The following F10 variants were observed in gnomAD, a reference collection of about 807,000 sequenced individuals.
F10 encodes coagulation factor X, also known as Stuart-Prower factor.
In F10, 29 loss-of-function variants were observed where a neutral mutation model predicts 37.1. That is an observed-to-expected ratio of 0.78 (90% CI 0.58 to 1.07). The LOEUF (loss-of-function observed/expected upper bound fraction) is 1.07, where lower values mean the gene tolerates loss of function less well. Among genes scored for constraint, F10 ranks in the 50% least tolerant of loss-of-function variants. F10 has a pLI of 0.00. For missense variants in F10, 539 were observed against 667.9 expected (o/e 0.81, Z 2.13); for synonymous variants, 262 against 268.6 (o/e 0.98, Z 0.24).
intron 7 of F10, among the ~76,000 whole-genome samples, chr13:113,148,388 A>G (rs1451692129): frequency 5.3e-5 from 1 of 18,762 alleles, no homozygotes; most frequent in African/African-American, 7.8e-5. Context: ...GTATATATAT[A>G]TACATATATA....
At position 113,143,906 on chromosome 13, in the gene F10, G is replaced by C; in HGVS notation, c.558G>C (p.Gln186His). 1.2e-6 allele frequency: 2 copies of C among 1,613,426 alleles called. No homozygotes were observed. Among genetic ancestry groups the C allele is most frequent in the Non-Finnish European group, 1.7e-6 (2 of 1,180,004 alleles). The change falls in exon 6 of 8, where the codon CAG (glutamine) becomes CAC (histidine). Residue 186 changes from glutamine (Q) to histidine (H), a missense_variant. Physicochemically the swap from Gln to His is conservative, Grantham distance 24. This residue lies in a region of F10 where 409 missense variants were observed against 547.9 expected (regional missense o/e 0.75). Transcript: ENST00000375559. This position sits in a 1 kb window ranked among gnomAD's most constrained non-coding sequence, Gnocchi z 6.8. ...TLERRKRSVAQATSSSGEAPD... is the reference protein window; with the variant it reads ...TLERRKRSVAHATSSSGEAPD... ...AACGCAGGAAGAGGTCAGTGGCCCAGGCCACCAGCAGCAGCGGGGAGGCCC... is the reference window on the plus strand; with the variant it reads ...AACGCAGGAAGAGGTCAGTGGCCCACGCCACCAGCAGCAGCGGGGAGGCCC...
rs191465065 is a variant in F10 at position 113,140,272 on chromosome 13, G to A, written c.371-647G>A. 4.6e-5 allele frequency among the ~76,000 whole-genome samples: 7 copies of A among 151,456 alleles called. No homozygotes were observed. The South Asian group carries it at 1.0e-3, about 23-fold the overall frequency. On this transcript the variant is annotated intron_variant, in intron 4 of 7. Coordinates refer to ENST00000375559, the MANE Select transcript of F10 (RefSeq NM_000504.4). ...TTTTTTTTAATTTTTTAGTGGAGAC[G>A]GGGTTTCACCGTGTTAGCCAGGATG...
chr13:113,139,378 G>A lies in F10; in HGVS notation c.278G>A (p.Ser93Asn), dbSNP rs777432382. ...KYKDGDQCETSPCQNQGKCKD... is the reference protein window; with the variant it reads ...KYKDGDQCETNPCQNQGKCKD... ...GCAGATGGCGACCAGTGTGAGACCA[G>A]TCCTTGCCAGAACCAGGGCAAATGT... Residue 93 changes from serine (S) to asparagine (N), a missense_variant, in exon 4 of 8, where the codon AGT becomes AAT. Ser to Asn is a conservative substitution (Grantham distance 46). Coordinates refer to ENST00000375559, the MANE Select transcript of F10 (RefSeq NM_000504.4). This position sits in a 1 kb window ranked among gnomAD's most constrained non-coding sequence, Gnocchi z 5.2. The A allele has an allele frequency of 1.1e-5, 17 of 1,613,810 alleles. No homozygotes were observed. The highest frequency in any genetic ancestry group is 1.4e-5 in the Non-Finnish European group (17 of 1,179,874).
intron 2 of F10, among the ~76,000 whole-genome samples, chr13:113,134,283 C>T (rs763400634): frequency 2.6e-5 from 4 of 152,142 alleles, no homozygotes; most frequent in Non-Finnish European, 5.9e-5. Flanking sequence ...GGGAAAAAAG[C>T]TTGTTTTAGT....
Position 113,122,917 on chromosome 13 carries a change from G to C in F10, c.62G>C (p.Gly21Ala), listed in dbSNP as rs757309231. The C allele has an allele frequency of 4.8e-5, 78 of 1,609,738 alleles. No individual in the cohort carries two copies. The highest frequency in any genetic ancestry group is 2.3e-4 in the Admixed American group (14 of 59,998). ...TCCCTGGCTGGCCTCCTGCTGCTCG[G>C]GGAAAGTCGTAAGTGCCCCTCGCCC... ...SASLAGLLLL[G>A]ESLFIRREQA... Residue 21 changes from glycine to alanine, a missense_variant, in exon 1 of 8, where the codon GGG becomes GCG. Physicochemically the swap from Gly to Ala is moderately conservative, Grantham distance 60. Coordinates refer to ENST00000375559, the MANE Select transcript of F10 (RefSeq NM_000504.4).
chr13:113,124,296 C>T (rs1338200764), intron 1 of F10, among the ~76,000 whole-genome samples: 1 of 152,238 alleles, frequency 6.6e-6, no homozygotes, highest in Non-Finnish European at 1.5e-5. Flanking sequence ...CAGGAGGAAA[C>T]TAGGGGAGTT....
chr13:113,147,797 C>G (rs2036596131), intron 7 of F10, among the ~76,000 whole-genome samples: 1 of 152,122 alleles, frequency 6.6e-6, no homozygotes, highest in African/African-American at 2.4e-5. Context: ...AGCTAATGTT[C>G]TGTGTCTCAG....
chr13:113,129,651 C>T (rs1426926197), intron 2 of F10, 39 bp downstream of exon 2: 1 of 1,612,808 alleles, frequency 6.2e-7, no homozygotes, highest in Non-Finnish European at 8.5e-7. Flanking sequence ...GTAAGGAGCT[C>T]AGGCCACAGC....
intron 6 of F10, among the ~76,000 whole-genome samples, chr13:113,145,239 T>C (rs1396838351): frequency 6.6e-6 from 1 of 152,184 alleles, no homozygotes; most frequent in Non-Finnish European, 1.5e-5. Flanking sequence ...TTGGCCAGGC[T>C]GGTCTCAAAC....
intron 2 of F10, chr13:113,130,352 G>T (rs1200617490): frequency 6.5e-6 from 1 of 153,850 alleles, no homozygotes; most frequent in African/African-American, 2.4e-5. Flanking sequence ...GAAGAGGCGG[G>T]GCTTCGAACG....
At position 113,141,458 on chromosome 13, in the gene F10, C is replaced by T. The variant is rs781434658; in HGVS notation, c.502+408C>T. 4.6e-5 allele frequency among the ~76,000 whole-genome samples: 7 copies of T among 152,138 alleles called. No homozygotes were observed. The highest frequency in any genetic ancestry group is 3.2e-3 in the Middle Eastern group (1 of 316). On this transcript the variant is annotated intron_variant, in intron 5 of 7. Coordinates refer to ENST00000375559, the MANE Select transcript of F10 (RefSeq NM_000504.4). The surrounding 1 kb of genome is among the most constrained non-coding windows in gnomAD (Gnocchi z 5.4). ...GGGCAGGCAAAGGGCAGAGCTGGCC[C>T]GAGGAACTGGAGCTAAGGTGCGGGG...
At position 113,144,617 on chromosome 13, in the gene F10, AT is replaced by A. The variant is rs965167171; in HGVS notation, c.747+529del. Among the ~76,000 whole-genome samples the A allele has an allele frequency of 2.0e-5, 3 of 152,228 alleles. No individual in the cohort carries two copies. The highest frequency in any genetic ancestry group is 2.9e-5 in the Non-Finnish European group (2 of 68,042). On this transcript the variant is annotated intron_variant, in intron 6 of 7. Coordinates refer to ENST00000375559, the MANE Select transcript of F10 (RefSeq NM_000504.4). The surrounding 1 kb of genome is among the most constrained non-coding windows in gnomAD (Gnocchi z 6.4). Reference sequence around the variant, plus strand: ...TCCTCGCTTCATTTCTAATTTTGGAATTTTTTTACCCAAACACCTAAATCCT... The same window carrying A: ...TCCTCGCTTCATTTCTAATTTTGGAATTTTTTACCCAAACACCTAAATCCT...
intron 2 of F10, chr13:113,132,131 TAATTA>T (rs1351075767): frequency 1.3e-5 from 2 of 152,286 alleles, no homozygotes; most frequent in Non-Finnish European, 2.9e-5. Flanking sequence ...CTCTAATTCT[TAATTA>T]AATTAAGAAT....
intron 2 of F10, among the ~76,000 whole-genome samples, chr13:113,135,136 G>A (rs940929563): frequency 1.3e-5 from 2 of 151,756 alleles, no homozygotes; most frequent in African/African-American, 2.4e-5. Flanking sequence ...CCAGCTACTC[G>A]GGAGGCTGAG....
rs2036584580 is a variant in F10 at position 113,146,555 on chromosome 13, G to A, written c.748-824G>A. On this transcript the variant is annotated intron_variant, in intron 6 of 7. Coordinates refer to ENST00000375559, the MANE Select transcript of F10 (RefSeq NM_000504.4). The surrounding 1 kb of genome is among the most constrained non-coding windows in gnomAD (Gnocchi z 4.5). ...CTCATCTGCATCTTTAGGAAGAATG[G>A]TTGGTGTTCGTGTCTTAGAAAGCCT... Among the ~76,000 whole-genome samples the A allele has an allele frequency of 6.6e-6, 1 of 152,214 alleles. No homozygotes were observed. The highest frequency in any genetic ancestry group is 1.5e-5 in the Non-Finnish European group (1 of 68,038).
rs1349593165 is a variant in F10 at position 113,146,525 on chromosome 13, T to C, written c.748-854T>C. Among the ~76,000 whole-genome samples, 1 of 152,204 alleles carries C rather than the reference T, an allele frequency of 6.6e-6. No individual in the cohort carries two copies. The highest frequency in any genetic ancestry group is 1.9e-4 in the East Asian group (1 of 5,188). On this transcript the variant is annotated intron_variant, in intron 6 of 7. Transcript: ENST00000375559. This position sits in a 1 kb window ranked among gnomAD's most constrained non-coding sequence, Gnocchi z 4.5. ...GTTTCCTGGTTCGAGTCTTGGCAAG[T>C]GGGCCTCATCTGCATCTTTAGGAAG...
rs771780599 is a variant in F10, at chr13:113,143,126, C to T, written c.503-725C>T. 2.0e-4 allele frequency among the ~76,000 whole-genome samples: 30 copies of T among 152,216 alleles called. No homozygotes were observed. Among genetic ancestry groups the T allele is most frequent in the Admixed American group, 5.2e-4 (8 of 15,298 alleles). ...AGCTGTGCCCATCTGACCCCAGACACGTGTGGCCACAGAGAAGCCCCTTGC... is the reference window on the plus strand; with the variant it reads ...AGCTGTGCCCATCTGACCCCAGACATGTGTGGCCACAGAGAAGCCCCTTGC... On this transcript the variant is annotated intron_variant, in intron 5 of 7. Transcript: ENST00000375559. The surrounding 1 kb of genome is among the most constrained non-coding windows in gnomAD (Gnocchi z 6.8).
chr13:113,123,710 TG>T (rs2036343068), intron 1 of F10, among the ~76,000 whole-genome samples: 3 of 152,058 alleles, frequency 2.0e-5, no homozygotes, highest in Admixed American at 2.0e-4. Context: ...GGGAGACCCC[TG>T]GGAAGGCTGA....
Position 113,143,706 on chromosome 13 carries a change from G to A in F10, c.503-145G>A, listed in dbSNP as rs2036553893. 69 of 1,223,204 alleles carry A rather than the reference G, an allele frequency of 5.6e-5. No individual in the cohort carries two copies. In the South Asian group the frequency reaches 9.6e-4, roughly 17 times the overall value. 75.8% of individuals were successfully genotyped at this position (1,223,204 alleles called of 1,614,324 possible). A position where few individuals can be genotyped will look rare whatever the true frequency, so the allele number is the denominator to read the frequency against. ...ATCCGACCCCTGCCGACGACGTGGG[G>A]CCTCGCCCTGCAAGCCCGCTGCCCC... On this transcript the variant is annotated intron_variant, in intron 5 of 7. Transcript: ENST00000375559. The surrounding 1 kb of genome is among the most constrained non-coding windows in gnomAD (Gnocchi z 6.8).
Sources: allele counts gnomAD v4.1 joint callset (sites outside exome capture counted in the v4.1 genomes callset), GRCh38; gene constraint gnomAD v4.1.1; regional missense constraint gnomAD v4.1.1; non-coding constraint Gnocchi (gnomAD v3.1); transcripts MANE v1.5; gene names NCBI Gene and HGNC (gene_info 2026-07-23, HGNC 2026-07-21).